CHRM3: variants seen among roughly 807,000 people sequenced by gnomAD.
CHRM3 encodes the protein muscarinic acetylcholine receptor M3.
In CHRM3, 11 loss-of-function variants were observed where a neutral mutation model predicts 41.8. The observed-to-expected ratio is 0.26, with a 90% CI of 0.17 to 0.44. The LOEUF is 0.44. Among genes scored for constraint, CHRM3 ranks in the 20% least tolerant of loss-of-function variants. CHRM3 has a pLI of 1.00. For synonymous variants in CHRM3, 297 were observed against 301.4 expected, an observed-to-expected ratio of 0.99 and a Z score of 0.15; for missense variants, 571 against 745.4, an observed-to-expected ratio of 0.77 and a Z score of 2.72.
At chr1:239,592,730 A>G (rs971638959) in intron 3 of CHRM3, among the ~76,000 whole-genome samples, 6 of 152,112 alleles carry the variant, frequency 3.9e-5, no homozygotes, top group Non-Finnish European at 5.9e-5. Context: ...TCCATTCATC[A>G]GTTGGTGGGC....
At chr1:239,532,312 G>A (rs1196346812) in intron 2 of CHRM3, among the ~76,000 whole-genome samples, 1 of 147,524 alleles carries the variant, frequency 6.8e-6, no homozygotes, top group Non-Finnish European at 1.5e-5. Flanking sequence ...CGCCCGGCTG[G>A]TGGAGTATAT....
intron 6 of CHRM3, among the ~76,000 whole-genome samples, chr1:239,893,640 G>A (rs1678732192): frequency 1.3e-5 from 2 of 151,096 alleles, no homozygotes; most frequent in South Asian, 4.2e-4. Flanking sequence ...TTGAAGGACA[G>A]AAGTGATTGG....
intron 2 of CHRM3, among the ~76,000 whole-genome samples, chr1:239,538,648 C>A (rs1658440818): frequency 6.6e-6 from 1 of 152,210 alleles, no homozygotes; most frequent in African/African-American, 2.4e-5. Context: ...GTCATTGGAA[C>A]ATCAGCATAG....
chr1:239,763,756 A>G (rs1666989212), intron 5 of CHRM3, among the ~76,000 whole-genome samples: 1 of 151,948 alleles, frequency 6.6e-6, no homozygotes, highest in African/African-American at 2.4e-5. Context: ...ATAAAAGACA[A>G]ACAATTTAAG....
chr1:239,715,013 G>T (rs1318548106), intron 5 of CHRM3, among the ~76,000 whole-genome samples: 1 of 152,072 alleles, frequency 6.6e-6, no homozygotes, highest in Non-Finnish European at 1.5e-5. Context: ...GACCATGGAG[G>T]TAAGGGGGAA....
chr1:239,647,431 C>G (rs1671835719), intron 4 of CHRM3, among the ~76,000 whole-genome samples: 1 of 152,180 alleles, frequency 6.6e-6, no homozygotes. Flanking sequence ...CCTCTTTCAT[C>G]TCATCAGCCT....
chr1:239,473,933 C>A (rs1666302670), intron 1 of CHRM3, among the ~76,000 whole-genome samples: 1 of 150,882 alleles, frequency 6.6e-6, no homozygotes, highest in South Asian at 2.1e-4. Context: ...CTGAGGAGAG[C>A]AACTGAGAAA....
intron 5 of CHRM3, among the ~76,000 whole-genome samples, chr1:239,720,673 A>T (rs573861820): frequency 7.9e-5 from 12 of 152,050 alleles, no homozygotes; most frequent in Non-Finnish European, 1.6e-4. Context: ...CTGTTAAGTT[A>T]TTCTCCAGAG....
chr1:239,800,291 CCATGGAGCCAGGT>C (rs1670107032), intron 5 of CHRM3, among the ~76,000 whole-genome samples: 1 of 152,152 alleles, frequency 6.6e-6, no homozygotes, highest in African/African-American at 2.4e-5. Flanking sequence ...GGTTCTGGTT[CCATGGAGCCAGGT>C]CACTGCTGCC....
At chr1:239,619,873 A>G (rs1037074722) in intron 3 of CHRM3, among the ~76,000 whole-genome samples, 13 of 152,142 alleles carry the variant, frequency 8.5e-5, no homozygotes, top group Admixed American at 8.5e-4. Flanking sequence ...TTCATGGACT[A>G]TAATTATAAG....
intron 5 of CHRM3, among the ~76,000 whole-genome samples, chr1:239,680,955 CT>C (rs554153007): frequency 2.2e-4 from 34 of 152,068 alleles, no homozygotes; most frequent in Non-Finnish European, 3.8e-4. Context: ...TTCCACATGG[CT>C]GGGGAGGCCT....
chr1:239,453,022 G>T (rs1204723735), intron 1 of CHRM3, among the ~76,000 whole-genome samples: 1 of 152,006 alleles, frequency 6.6e-6, no homozygotes, highest in Non-Finnish European at 1.5e-5. Context: ...GGATGGTCTG[G>T]ATCTCCTGAC....
intron 6 of CHRM3, among the ~76,000 whole-genome samples, chr1:239,828,717 C>G (rs1412151689): frequency 6.6e-6 from 1 of 151,976 alleles, no homozygotes; most frequent in East Asian, 1.9e-4. Flanking sequence ...GGGAAGGCAC[C>G]TGGGAGCTAG....
intron 6 of CHRM3, among the ~76,000 whole-genome samples, chr1:239,890,084 G>A (rs1359975664): frequency 6.6e-6 from 1 of 152,136 alleles, no homozygotes; most frequent in Non-Finnish European, 1.5e-5. Flanking sequence ...GGAGGCCAAG[G>A]AGAGGTCGGG....
At chr1:239,639,996 G>C (rs946245292) in intron 4 of CHRM3, among the ~76,000 whole-genome samples, 5 of 151,816 alleles carry the variant, frequency 3.3e-5, no homozygotes, top group Non-Finnish European at 5.9e-5. Context: ...TTTGTCAAAG[G>C]CCTTTTCTGC....
chr1:239,499,592 T>C (rs564807458), intron 2 of CHRM3, among the ~76,000 whole-genome samples: 1 of 152,276 alleles, frequency 6.6e-6, no homozygotes, highest in Admixed American at 6.5e-5. Flanking sequence ...TCCCATGTGC[T>C]CTTCTTGAAC....
At chr1:239,455,248 TC>T (rs1273082136) in intron 1 of CHRM3, among the ~76,000 whole-genome samples, 12 of 152,022 alleles carry the variant, frequency 7.9e-5, no homozygotes, top group Non-Finnish European at 1.6e-4. Context: ...ACGGGGTTTC[TC>T]CCTGTTGGTC....
chr1:239,641,666 C>T (rs1198210620), intron 4 of CHRM3, among the ~76,000 whole-genome samples: 6 of 146,130 alleles, frequency 4.1e-5, no homozygotes, highest in African/African-American at 1.0e-4. Context: ...TGTCTCTGCA[C>T]GTGAGATGGG....
At chr1:239,664,573 G>T (rs1673577442) in intron 4 of CHRM3, among the ~76,000 whole-genome samples, 1 of 152,004 alleles carries the variant, frequency 6.6e-6, no homozygotes, top group Non-Finnish European at 1.5e-5. Context: ...GTGAGCCCTA[G>T]GCCCCTTCCT....
Sources: allele counts gnomAD v4.1 joint callset (sites outside exome capture counted in the v4.1 genomes callset), GRCh38; gene constraint gnomAD v4.1.1; transcripts MANE v1.5; gene names NCBI Gene and HGNC (gene_info 2026-07-23, HGNC 2026-07-21).